Variants in PPP6C observed in about 807,000 individuals in gnomAD.
PPP6C encodes the protein protein phosphatase 6 catalytic subunit, also known as serine/threonine-protein phosphatase 6 catalytic subunit.
A neutral mutation model predicts 39.8 loss-of-function variants in PPP6C; 11 were observed. That is an observed-to-expected ratio of 0.28 (90% confidence interval 0.17 to 0.46). The LOEUF (loss-of-function observed/expected upper bound fraction) is 0.46. PPP6C is among the 20% of genes least tolerant of loss of function. The pLI is 1.00. For synonymous variants in PPP6C, 129 were observed against 130.3 expected, an observed-to-expected ratio of 0.99 and a Z score of 0.07; for missense variants, 211 against 373.9, an observed-to-expected ratio of 0.56 and a Z score of 3.59.
chr9:125,189,649 G>A lies in PPP6C; in HGVS notation c.70C>T (p.Leu24=), dbSNP rs1237626262. ...RLCKYLPEND[L]KRLCDYVCDL... ...AGCCCGCAAATAGGGCTCACCTTCA[G>A]GTCGTTCTCTGGCAGGTACTTGCAC... Residue 24 remains leucine, a synonymous_variant, in exon 1 of 7, where the codon CTG becomes TTG. Transcript: ENST00000373547. 1.9e-6 allele frequency: 3 copies of A among 1,613,072 alleles called. No individual in the cohort carries two copies. Among genetic ancestry groups the A allele is most frequent in the South Asian group, 2.2e-5 (2 of 91,076 alleles).
At chr9:125,168,545 G>A (rs545143900) in intron 2 of PPP6C, among the ~76,000 whole-genome samples, 1 of 151,984 alleles carries the variant, frequency 6.6e-6, no homozygotes, top group South Asian at 2.1e-4. Flanking sequence ...CACAACCTCC[G>A]TCTCCCAGGT....
intron 2 of PPP6C, among the ~76,000 whole-genome samples, chr9:125,169,553 T>C (rs1334509330): frequency 6.6e-6 from 1 of 152,200 alleles, no homozygotes; most frequent in Non-Finnish European, 1.5e-5. Flanking sequence ...CTTATATTAA[T>C]ATCCTTTATG....
intron 1 of PPP6C, among the ~76,000 whole-genome samples, chr9:125,174,246 G>A (rs958530711): frequency 6.6e-6 from 1 of 152,096 alleles, no homozygotes; most frequent in Non-Finnish European, 1.5e-5. Context: ...ATTAATATAT[G>A]AGAAACACTT....
At chr9:125,183,218 C>T (rs890489609) in intron 1 of PPP6C, among the ~76,000 whole-genome samples, 2 of 152,160 alleles carry the variant, frequency 1.3e-5, no homozygotes, top group Admixed American at 1.3e-4. Flanking sequence ...CTCAGACTCT[C>T]ATATCACCGG....
chr9:125,180,921 G>A (rs934000061), intron 1 of PPP6C, among the ~76,000 whole-genome samples: 3 of 152,058 alleles, frequency 2.0e-5, no homozygotes, highest in Non-Finnish European at 4.4e-5. Flanking sequence ...TGGAGAACAC[G>A]TGTAAACTAC....
intron 2 of PPP6C, among the ~76,000 whole-genome samples, chr9:125,170,186 A>G (rs1829114786): frequency 6.6e-6 from 1 of 151,880 alleles, no homozygotes; most frequent in Admixed American, 6.6e-5. Context: ...GAGACTAAAC[A>G]CTGACAACAG....
At chr9:125,163,186 T>C (rs980217434) in intron 2 of PPP6C, among the ~76,000 whole-genome samples, 3 of 152,132 alleles carry the variant, frequency 2.0e-5, no homozygotes, top group Non-Finnish European at 4.4e-5. Flanking sequence ...AAGGACCTTA[T>C]GAGGCCATGA....
intron 2 of PPP6C, among the ~76,000 whole-genome samples, chr9:125,165,461 T>C (rs1043988745): frequency 6.6e-6 from 1 of 152,090 alleles, no homozygotes. Context: ...AATGAAAAAT[T>C]AACTTTTCCA....
At chr9:125,160,500 C>A (rs892684773) in intron 3 of PPP6C, among the ~76,000 whole-genome samples, 4 of 152,142 alleles carry the variant, frequency 2.6e-5, no homozygotes, top group African/African-American at 9.7e-5. Flanking sequence ...GACAATAAGT[C>A]TCATGAGATC....
chr9:125,153,470 C>T, intron 6 of PPP6C, 63 bp downstream of exon 6: 1 of 1,479,498 alleles, frequency 6.8e-7, no homozygotes, highest in African/African-American at 1.4e-5. Context: ...CTAGGGCCAC[C>T]ATAGTTCTCT....
chr9:125,176,581 C>T (rs1454655683), intron 1 of PPP6C, among the ~76,000 whole-genome samples: 2 of 152,096 alleles, frequency 1.3e-5, no homozygotes, highest in Admixed American at 6.6e-5. Flanking sequence ...CGCTTGAGCC[C>T]GGGAGGTCAA....
At chr9:125,176,388 G>A (rs566409743) in intron 1 of PPP6C, among the ~76,000 whole-genome samples, 1 of 152,308 alleles carries the variant, frequency 6.6e-6, no homozygotes, top group African/African-American at 2.4e-5. Context: ...AGGCGTGGTG[G>A]CTCACACCTA....
At chr9:125,162,535 A>T (rs1828905464) in intron 2 of PPP6C, among the ~76,000 whole-genome samples, 1 of 147,036 alleles carries the variant, frequency 6.8e-6, no homozygotes, top group Admixed American at 7.0e-5. Flanking sequence ...GCATTGTGGG[A>T]GGCTGAGGCA....
chr9:125,148,689 A>C lies in PPP6C; in HGVS notation c.*984T>G, dbSNP rs996169973. On this transcript the variant is annotated 3_prime_UTR_variant, in exon 7 of 7. Coordinates refer to ENST00000373547, the MANE Select transcript of PPP6C (RefSeq NM_002721.5). ...AAAAGCACATAGATTTTAGTTAATA[A>C]TACTCATGATAGATTGTAAACTGGA... is the stretch of plus-strand genomic sequence containing the variant. 3 of 152,198 alleles carry C rather than the reference A, an allele frequency of 2.0e-5. No individual in the cohort carries two copies. The highest frequency in any genetic ancestry group is 6.5e-5 in the Admixed American group (1 of 15,272). The allele number at this position is 152,198 out of a possible 1,614,324, so 9.4% of individuals were successfully genotyped here. A position where few individuals can be genotyped will look rare whatever the true frequency, so the allele number is the denominator to read the frequency against.
chr9:125,187,082 G>A (rs530416862), intron 1 of PPP6C, among the ~76,000 whole-genome samples: 1 of 149,498 alleles, frequency 6.7e-6, no homozygotes, highest in African/African-American at 2.5e-5. Flanking sequence ...AAGTAGCTGG[G>A]ATTCCAAGCA....
Position 125,178,607 on chromosome 9 carries a change from T to G in PPP6C, c.76-7427A>C, listed in dbSNP as rs142985551. ...TGATACTTCCAGGTATTATCTTCAGTGATGTTTATCTTTATTCTGGGACTC... is the reference window on the plus strand; with the variant it reads ...TGATACTTCCAGGTATTATCTTCAGGGATGTTTATCTTTATTCTGGGACTC... On this transcript the variant is annotated intron_variant, in intron 1 of 6. Transcript: ENST00000373547. 2.9e-3 allele frequency among the ~76,000 whole-genome samples: 446 copies of G among 152,318 alleles called. 3 individuals carry two copies. Among genetic ancestry groups the G allele is most frequent in the African/African-American group, 9.9e-3 (411 of 41,576 alleles).
intron 4 of PPP6C, among the ~76,000 whole-genome samples, chr9:125,155,328 C>A (rs1836041649): frequency 6.6e-6 from 1 of 151,548 alleles, no homozygotes. Flanking sequence ...TTAAGTGAAG[C>A]TGAAAATGAT....
intron 1 of PPP6C, among the ~76,000 whole-genome samples, chr9:125,177,644 G>A (rs1039565844): frequency 6.6e-6 from 1 of 152,122 alleles, no homozygotes; most frequent in Non-Finnish European, 1.5e-5. Context: ...TGAGTGGTAC[G>A]TTTGTTACAG....
Position 125,154,006 on chromosome 9 carries a change from T to C in PPP6C, c.380-21A>G, listed in dbSNP as rs745644441. 1.1e-5 allele frequency: 16 copies of C among 1,518,706 alleles called. No individual in the cohort carries two copies. In the East Asian group the frequency reaches 3.2e-4, roughly 30 times the overall value. The allele number at this position is 1,518,706 out of a possible 1,614,324, so 94.1% of individuals were successfully genotyped here. A position where few individuals can be genotyped will look rare whatever the true frequency, so the allele number is the denominator to read the frequency against. On this transcript the variant is annotated intron_variant, in intron 4 of 6. Coordinates refer to ENST00000373547, the MANE Select transcript of PPP6C (RefSeq NM_002721.5). ...CTCATCTGTGAAAGAAACAGAAGGG[T>C]TTTAATTAATGAATCTGCTAATAAA... is the stretch of plus-strand genomic sequence containing the variant.
Sources: allele counts gnomAD v4.1 joint callset (sites outside exome capture counted in the v4.1 genomes callset), GRCh38; gene constraint gnomAD v4.1.1; transcripts MANE v1.5; gene names NCBI Gene and HGNC (gene_info 2026-07-23, HGNC 2026-07-21).